The following LCLAT1 variants were observed in gnomAD, a reference collection of about 807,000 sequenced individuals.
LCLAT1 encodes the protein 1-AGP acyltransferase 8.
A neutral mutation model predicts 30.7 loss-of-function variants in LCLAT1; 11 were observed. The observed-to-expected ratio is 0.36, with a 90% confidence interval of 0.23 to 0.59. The LOEUF (loss-of-function observed/expected upper bound fraction) is 0.59. LCLAT1 is among the 20% of genes least tolerant of loss of function. LCLAT1 has a pLI of 0.77. For missense variants in LCLAT1, 402 were observed against 458.6 expected (o/e 0.88, Z 1.13); for synonymous variants, 155 against 151.3 (o/e 1.02, Z -0.18).
At chr2:30,518,869 A>G (rs779878679) in intron 1 of LCLAT1, among the ~76,000 whole-genome samples, 7 of 152,228 alleles carry the variant, frequency 4.6e-5, no homozygotes, top group Admixed American at 1.3e-4. Context: ...GCCCCCATCT[A>G]TTTGGCCAGG....
intron 5 of LCLAT1, among the ~76,000 whole-genome samples, chr2:30,620,126 CA>C (rs1263726097): frequency 6.6e-6 from 1 of 151,920 alleles, no homozygotes; most frequent in Admixed American, 6.6e-5. Flanking sequence ...TGGAATTAAG[CA>C]AAAAAACCTA....
At chr2:30,512,740 G>A (rs1331446821) in intron 1 of LCLAT1, among the ~76,000 whole-genome samples, 1 of 152,190 alleles carries the variant, frequency 6.6e-6, no homozygotes, top group Non-Finnish European at 1.5e-5. Context: ...AGGATACCCA[G>A]TCATATCAGA....
intron 5 of LCLAT1, among the ~76,000 whole-genome samples, chr2:30,635,602 C>T (rs1236226935): frequency 1.3e-5 from 2 of 151,982 alleles, no homozygotes; most frequent in African/African-American, 2.4e-5. Context: ...GGAATATTAC[C>T]TTTTTGTAAA....
rs760622200 is a variant in LCLAT1 at position 30,461,770 on chromosome 2, C to CCTTTTTTTTTTTTTTTTTTTTTT, written c.-5+14387_-5+14388insCTTTTTTTTTTTTTTTTTTTTTT. 5.3e-3 allele frequency among the ~76,000 whole-genome samples: 702 copies of CCTTTTTTTTTTTTTTTTTTTTTT among 131,568 alleles called. 70 individuals are homozygous for CCTTTTTTTTTTTTTTTTTTTTTT. The highest frequency in any genetic ancestry group is 0.015 in the East Asian group (65 of 4,312). The allele number at this position is 131,568 out of a possible 152,430, so 86.3% of individuals were successfully genotyped here. On this transcript the variant is annotated intron_variant, in intron 1 of 5. Coordinates refer to ENST00000379509, the MANE Select transcript of LCLAT1 (RefSeq NM_001002257.3). ...TGTGGACCACTTTTTCTAAATTAAA[C>CCTTTTTTTTTTTTTTTTTTTTTT]TTTTTTTTTTTTTTTTTTGAGACGG...
chr2:30,570,134 G>A (rs1665718388), intron 5 of LCLAT1, among the ~76,000 whole-genome samples: 1 of 152,054 alleles, frequency 6.6e-6, no homozygotes, highest in South Asian at 2.1e-4. Context: ...AAATATTTTA[G>A]TAGCAAACTG....
In LCLAT1 at chr2:30,447,377, G is replaced by T. The variant is rs1203367193; in HGVS notation, c.-11G>T. 1 of 152,318 alleles carries T rather than the reference G, an allele frequency of 6.6e-6. No individual in the cohort carries two copies. Among genetic ancestry groups the T allele is most frequent in the South Asian group, 2.1e-4 (1 of 4,834 alleles). The allele number at this position is 152,318 out of a possible 1,614,324, so 9.4% of individuals were successfully genotyped here. ...CGGCGTCGCGCGGCGTGCCCTGCTT[G>T]TCACAGGTGGGAGGCTGGAACTATC... is the stretch of plus-strand genomic sequence containing the variant. On this transcript the variant is annotated 5_prime_UTR_variant, in exon 1 of 6. Coordinates refer to ENST00000379509, the MANE Select transcript of LCLAT1 (RefSeq NM_001002257.3).
intron 1 of LCLAT1, among the ~76,000 whole-genome samples, chr2:30,520,846 T>C (rs1198306343): frequency 6.6e-6 from 1 of 152,226 alleles, no homozygotes; most frequent in Non-Finnish European, 1.5e-5. Context: ...TTAAAAAATA[T>C]ACTTTCTATG....
At chr2:30,532,600 A>G (rs776664224) in intron 2 of LCLAT1, among the ~76,000 whole-genome samples, 1 of 152,150 alleles carries the variant, frequency 6.6e-6, no homozygotes, top group Non-Finnish European at 1.5e-5. Context: ...GGCTTGTAGT[A>G]TTTTAGTAGA....
At chr2:30,492,673 T>A (rs1198637385) in intron 1 of LCLAT1, among the ~76,000 whole-genome samples, 2 of 152,156 alleles carry the variant, frequency 1.3e-5, no homozygotes, top group East Asian at 3.8e-4. Context: ...GTTCTTAACC[T>A]AAAATGCTAG....
At chr2:30,562,461 A>G (rs1362083511) in intron 4 of LCLAT1, among the ~76,000 whole-genome samples, 169 bp downstream of exon 4, 1 of 152,194 alleles carries the variant, frequency 6.6e-6, no homozygotes, top group Non-Finnish European at 1.5e-5. Context: ...GATTGAGTCC[A>G]GAAGTTTGAG....
At chr2:30,538,212 G>T (rs989411917) in intron 3 of LCLAT1, among the ~76,000 whole-genome samples, 3 of 151,986 alleles carry the variant, frequency 2.0e-5, no homozygotes, top group Admixed American at 6.5e-5. Flanking sequence ...CAAAAGGAAA[G>T]ATATAAGAAA....
chr2:30,454,209 A>G (rs1182683541), intron 1 of LCLAT1, among the ~76,000 whole-genome samples: 2 of 152,206 alleles, frequency 1.3e-5, no homozygotes, highest in African/African-American at 4.8e-5. Flanking sequence ...GATTTAAATG[A>G]GACATCCTTT....
At chr2:30,639,554 G>A (rs758848334) in intron 5 of LCLAT1, among the ~76,000 whole-genome samples, 2 of 152,076 alleles carry the variant, frequency 1.3e-5, no homozygotes, top group East Asian at 1.9e-4. Flanking sequence ...TCATCCTCCC[G>A]AGTACCTGGG....
intron 1 of LCLAT1, among the ~76,000 whole-genome samples, chr2:30,465,161 G>C (rs1682357420): frequency 6.6e-6 from 1 of 152,156 alleles, no homozygotes; most frequent in African/African-American, 2.4e-5. Flanking sequence ...GATGTCTAGG[G>C]CACTTATCCT....
chr2:30,600,185 T>A (rs1667116666), intron 5 of LCLAT1, among the ~76,000 whole-genome samples: 1 of 151,406 alleles, frequency 6.6e-6, no homozygotes, highest in African/African-American at 2.4e-5. Context: ...TTAAGTTTGG[T>A]CTAGAAGAAA....
At chr2:30,603,114 T>C (rs1051176250) in intron 5 of LCLAT1, among the ~76,000 whole-genome samples, 3 of 152,150 alleles carry the variant, frequency 2.0e-5, no homozygotes, top group African/African-American at 7.2e-5. Flanking sequence ...CTAAGAAATT[T>C]AGCATCAATA....
chr2:30,587,569 A>T (rs757167509), intron 5 of LCLAT1, among the ~76,000 whole-genome samples: 3 of 152,212 alleles, frequency 2.0e-5, no homozygotes, highest in Non-Finnish European at 4.4e-5. Flanking sequence ...TCCTCTTGTA[A>T]CATTATAAGG....
At chr2:30,598,555 T>G (rs1390630767) in intron 5 of LCLAT1, among the ~76,000 whole-genome samples, 13 of 152,114 alleles carry the variant, frequency 8.5e-5, no homozygotes, top group Admixed American at 5.9e-4. Context: ...TTGATTAGTC[T>G]AGCTAGCAGT....
intron 3 of LCLAT1, among the ~76,000 whole-genome samples, chr2:30,537,382 C>T (rs1045518071): frequency 4.2e-5 from 6 of 141,440 alleles, no homozygotes; most frequent in South Asian, 4.7e-4. Context: ...AGCGAGACTC[C>T]GTCTCAAAAA....
Sources: gnomAD v4.1 joint callset for allele counts (sites outside exome capture counted in the v4.1 genomes callset) on GRCh38, gnomAD v4.1.1 for gene constraint, MANE v1.5 for transcripts, NCBI Gene and HGNC (gene_info 2026-07-23, HGNC 2026-07-21) for gene names.